The following SERPINB8 variants were observed in gnomAD, a reference collection of about 807,000 sequenced individuals.
The protein encoded by SERPINB8 is serpin family B member 8.
In SERPINB8, 25 loss-of-function variants were observed where a neutral mutation model predicts 35.3. The observed-to-expected ratio is 0.71, with a 90% CI of 0.52 to 0.99. SERPINB8 has a LOEUF of 0.99. Among genes scored for constraint, SERPINB8 ranks in the 50% least tolerant of loss-of-function variants. The pLI is 0.00. For missense variants in SERPINB8, 484 were observed against 446.5 expected (o/e 1.08, Z -0.76); for synonymous variants, 186 against 160.8 (o/e 1.16, Z -1.19).
At chr18:63,972,038 C>G (rs2050492358) in intron 1 of SERPINB8, among the ~76,000 whole-genome samples, 4 of 151,774 alleles carry the variant, frequency 2.6e-5, no homozygotes, top group Admixed American at 2.6e-4. Flanking sequence ...GTTTCATTAC[C>G]TATTGAATAA....
At chr18:63,978,599 T>C (rs2050621378) in intron 2 of SERPINB8, 123 bp downstream of exon 2, 1 of 1,107,550 alleles carries the variant, frequency 9.0e-7, no homozygotes, top group South Asian at 1.5e-5. Flanking sequence ...GAGGAGCAGC[T>C]CGGCAGTGGA....
intron 5 of SERPINB8, 52 bp downstream of exon 5, chr18:63,983,773 G>T: frequency 2.4e-6 from 3 of 1,237,306 alleles, no homozygotes; most frequent in Non-Finnish European, 3.5e-6. Flanking sequence ...TAATATTACA[G>T]GAAATATTCT....
intron 1 of SERPINB8, among the ~76,000 whole-genome samples, chr18:64,000,492 C>G (rs557282565): frequency 2.8e-4 from 43 of 152,184 alleles, no homozygotes; most frequent in Non-Finnish European, 6.0e-4. Context: ...TGGGTGAAAT[C>G]TGCCCTTCTC....
intron 6 of SERPINB8, among the ~76,000 whole-genome samples, chr18:63,985,880 A>G (rs1365804452): frequency 2.0e-5 from 3 of 152,224 alleles, no homozygotes; most frequent in African/African-American, 7.2e-5. Context: ...CAGCTCTGGG[A>G]GGTGGGAGAA....
rs2050800127 is a variant in SERPINB8, at chr18:63,988,870, A to ACTTT, written c.*1592_*1593insCTTT. On this transcript the variant is annotated 3_prime_UTR_variant, in exon 7 of 7. Transcript: ENST00000397985. ...TCTCACTTCCACCTCTAATTTGAAG[A>ACTTT]ACACTTTAATTGACACAGAATACAT... The ACTTT allele has an allele frequency of 6.7e-6, 1 of 150,216 alleles. No homozygotes were observed. Among genetic ancestry groups the ACTTT allele is most frequent in the African/African-American group, 2.5e-5 (1 of 40,340 alleles). 9.3% of individuals were successfully genotyped at this position (150,216 alleles called of 1,614,324 possible). A position where few individuals can be genotyped will look rare whatever the true frequency, so the allele number is the denominator to read the frequency against.
intron 1 of SERPINB8, among the ~76,000 whole-genome samples, chr18:64,001,746 G>A (rs534490256): frequency 3.3e-5 from 5 of 151,918 alleles, no homozygotes; most frequent in African/African-American, 9.7e-5. Context: ...CTCAGCCTCC[G>A]AAAGTGCTGG....
chr18:63,979,095 C>T (rs1258971424), intron 2 of SERPINB8, among the ~76,000 whole-genome samples: 2 of 152,178 alleles, frequency 1.3e-5, no homozygotes, highest in African/African-American at 4.8e-5. Flanking sequence ...CATTTTGCCA[C>T]CAATATCAGG....
At chr18:64,006,009 C>T (rs901786494), downstream of SERPINB8, among the ~76,000 whole-genome samples, 4 of 152,166 alleles carry the variant, frequency 2.6e-5, no homozygotes, top group Admixed American at 2.0e-4. Flanking sequence ...ATTTTTGAAA[C>T]AGCTCCCAGG....
At position 63,983,718 on chromosome 18, in the gene SERPINB8, C is replaced by T. The variant is rs375766835; in HGVS notation, c.564C>T (p.Asn188=). 205 of 1,610,782 alleles carry T rather than the reference C, an allele frequency of 1.3e-4. No individual in the cohort carries two copies. Among genetic ancestry groups the T allele is most frequent in the Middle Eastern group, 1.7e-4 (1 of 6,056 alleles). ...CAAGGGGAATGCTCTTTAAAACCAACGAGGTAGGGAAAGATTTTTCAGATA... is the reference window on the plus strand; with the variant it reads ...CAAGGGGAATGCTCTTTAAAACCAATGAGGTAGGGAAAGATTTTTCAGATA... ...KYTRGMLFKT[N]EEKKTVQMMF... Residue 188 remains asparagine, a synonymous_variant, in exon 5 of 7, where the codon AAC becomes AAT. Coordinates refer to ENST00000397985, the MANE Select transcript of SERPINB8 (RefSeq NM_002640.4).
At chr18:63,971,451 C>A (rs1332272324) in intron 1 of SERPINB8, among the ~76,000 whole-genome samples, 1 of 152,206 alleles carries the variant, frequency 6.6e-6, no homozygotes, top group Non-Finnish European at 1.5e-5. Context: ...TGGAACAAGT[C>A]ATATTCCCCA....
At chr18:63,978,919 C>T (rs1351207673) in intron 2 of SERPINB8, among the ~76,000 whole-genome samples, 1 of 152,178 alleles carries the variant, frequency 6.6e-6, no homozygotes, top group Non-Finnish European at 1.5e-5. Flanking sequence ...AGGAATGTAA[C>T]ACAAGTGTGG....
At chr18:64,008,370 G>A (rs893998011), downstream of SERPINB8, among the ~76,000 whole-genome samples, 2 of 151,890 alleles carry the variant, frequency 1.3e-5, no homozygotes, top group Non-Finnish European at 1.5e-5. Flanking sequence ...AACCTCTTGA[G>A]TAGCTGGGAT....
chr18:63,981,910 C>T (rs1568273800), intron 4 of SERPINB8, 72 bp downstream of exon 4: 2 of 1,097,606 alleles, frequency 1.8e-6, no homozygotes, highest in Non-Finnish European at 2.7e-6. Context: ...GATGGGACTT[C>T]CCAGGGTGTT....
intron 7 of SERPINB8, among the ~76,000 whole-genome samples, chr18:64,013,077 G>A (rs2050933011): frequency 6.6e-6 from 1 of 152,018 alleles, no homozygotes; most frequent in African/African-American, 2.4e-5. Context: ...ACTTTCCAAA[G>A]AAGTTCACAA....
intron 6 of SERPINB8, 49 bp downstream of exon 6, chr18:63,985,294 C>A: frequency 1.3e-6 from 2 of 1,594,664 alleles, no homozygotes; most frequent in South Asian, 1.1e-5. Context: ...CAGCTGAGCT[C>A]ATTTCTTTAT....
At chr18:63,997,370 C>G (rs140831409) in intron 1 of SERPINB8, among the ~76,000 whole-genome samples, 136 of 152,266 alleles carry the variant, frequency 8.9e-4, no homozygotes, top group Middle Eastern at 3.4e-3. Flanking sequence ...CAGGTAAAAC[C>G]CAGCCCAGCT....
intron 1 of SERPINB8, among the ~76,000 whole-genome samples, chr18:64,003,460 G>A (rs1011822971): frequency 6.6e-6 from 1 of 152,032 alleles, no homozygotes; most frequent in South Asian, 2.1e-4. Context: ...TGAGCACCGG[G>A]GGGTATTAGT....
At chr18:64,016,846 C>T (rs1307511758) in intron 7 of SERPINB8, among the ~76,000 whole-genome samples, 1 of 152,176 alleles carries the variant, frequency 6.6e-6, no homozygotes, top group Admixed American at 6.5e-5. Context: ...TGTTCTAAAC[C>T]TTGCTCTAAG....
At chr18:63,982,070 G>C (rs1449308515) in intron 4 of SERPINB8, among the ~76,000 whole-genome samples, 1 of 152,176 alleles carries the variant, frequency 6.6e-6, no homozygotes, top group Non-Finnish European at 1.5e-5. Context: ...TGTGGACCGT[G>C]CTGGAAAATC....
Sources: gnomAD v4.1 joint callset for allele counts (sites outside exome capture counted in the v4.1 genomes callset) on GRCh38, gnomAD v4.1.1 for gene constraint, MANE v1.5 for transcripts, NCBI Gene and HGNC (gene_info 2026-07-23, HGNC 2026-07-21) for gene names.